The following RAP1GDS1 variants were observed in gnomAD, a reference collection of about 807,000 sequenced individuals.
The protein encoded by RAP1GDS1 is RAP1, GTP-GDP dissociation stimulator 1.
In RAP1GDS1, 35 loss-of-function variants were observed where a neutral mutation model predicts 71.1. That is an observed-to-expected ratio of 0.49 (90% CI 0.38 to 0.65). The LOEUF (loss-of-function observed/expected upper bound fraction) is 0.65, where lower values mean the gene tolerates loss of function less well. Ranked by LOEUF, RAP1GDS1 falls within the 30% of genes least tolerant of loss-of-function variation. RAP1GDS1 has a pLI of 0.00. For synonymous variants in RAP1GDS1, 229 were observed against 243.1 expected, an observed-to-expected ratio of 0.94 and a Z score of 0.54; for missense variants, 663 against 706.1, an observed-to-expected ratio of 0.94 and a Z score of 0.69.
chr4:98,263,807 T>TG (rs1193692798), intron 1 of RAP1GDS1, among the ~76,000 whole-genome samples: 1 of 152,148 alleles, frequency 6.6e-6, no homozygotes. Flanking sequence ...ATTATCTAGT[T>TG]GGGGGATAAG....
At chr4:98,283,362 A>G (rs1421647771) in intron 1 of RAP1GDS1, among the ~76,000 whole-genome samples, 1 of 152,168 alleles carries the variant, frequency 6.6e-6, no homozygotes, top group Non-Finnish European at 1.5e-5. Context: ...AAGCTCTAAT[A>G]AAAACTGTCC....
At chr4:98,435,041 G>C (rs1305150026) in intron 13 of RAP1GDS1, among the ~76,000 whole-genome samples, 2 of 152,194 alleles carry the variant, frequency 1.3e-5, no homozygotes, top group African/African-American at 4.8e-5. Context: ...AGCCAGGGAT[G>C]GTGTAATAGA....
chr4:98,432,333 G>A (rs1423314951), intron 12 of RAP1GDS1, among the ~76,000 whole-genome samples: 1 of 152,146 alleles, frequency 6.6e-6, no homozygotes, highest in African/African-American at 2.4e-5. Flanking sequence ...CTAAATGATT[G>A]CATATGTATC....
intron 1 of RAP1GDS1, among the ~76,000 whole-genome samples, chr4:98,287,969 T>C (rs536962284): frequency 6.6e-6 from 1 of 152,292 alleles, no homozygotes; most frequent in Admixed American, 6.5e-5. Flanking sequence ...CAAGTAATAA[T>C]TATGAAGGTA....
intron 1 of RAP1GDS1, among the ~76,000 whole-genome samples, chr4:98,286,621 A>G (rs1726062675): frequency 2.0e-5 from 3 of 152,128 alleles, no homozygotes; most frequent in Admixed American, 1.3e-4. Flanking sequence ...GCGGTGGCTA[A>G]CGCCTATAAT....
Position 98,292,569 on chromosome 4 carries a change from GA to G in RAP1GDS1, c.5-827del, listed in dbSNP as rs537889890. The stretch of plus-strand genomic sequence containing the variant: ...AGCCAGAACTTAAAGTATAATAAAA[GA>G]AAAAAAAAAAACAATGCTATTCTTC... On this transcript the variant is annotated intron_variant, in intron 1 of 14. Transcript: ENST00000408927. 1.9e-3 allele frequency among the ~76,000 whole-genome samples: 246 copies of G among 131,576 alleles called. 1 individual carries two copies. Among genetic ancestry groups the G allele is most frequent in the Admixed American group, 6.3e-3 (83 of 13,130 alleles). The allele number at this position is 131,576 out of a possible 152,430, so 86.3% of individuals were successfully genotyped here. A position where few individuals can be genotyped will look rare whatever the true frequency, so the allele number is the denominator to read the frequency against.
intron 5 of RAP1GDS1, among the ~76,000 whole-genome samples, chr4:98,391,473 A>AT (rs1316915592): frequency 6.6e-6 from 1 of 152,088 alleles, no homozygotes; most frequent in African/African-American, 2.4e-5. Context: ...TTTATTAAAT[A>AT]TTTTTAATTT....
At chr4:98,290,864 A>T (rs7686907) in intron 1 of RAP1GDS1, among the ~76,000 whole-genome samples, 302 of 152,208 alleles carry the variant, frequency 2.0e-3, no homozygotes, top group African/African-American at 7.1e-3. Context: ...GAAAGAGCAT[A>T]CCATCCTAAT....
At chr4:98,429,507 G>C (rs1435692593) in intron 12 of RAP1GDS1, among the ~76,000 whole-genome samples, 1 of 152,130 alleles carries the variant, frequency 6.6e-6, no homozygotes, top group East Asian at 1.9e-4. Context: ...TAAAGGGTGG[G>C]AAGGGGGTGA....
At chr4:98,296,811 A>G (rs1727822696) in intron 2 of RAP1GDS1, 2 of 265,190 alleles carry the variant, frequency 7.5e-6, no homozygotes, top group East Asian at 1.4e-4. Flanking sequence ...TGTGGCATCT[A>G]AATCACCTTG....
chr4:98,416,680 A>T, intron 7 of RAP1GDS1, 65 bp from the exon 8 acceptor site: 2 of 1,430,624 alleles, frequency 1.4e-6, no homozygotes, highest in South Asian at 2.6e-5. Flanking sequence ...TTTATAATGG[A>T]CTGCTTATAC....
At chr4:98,328,963 A>T (rs755919485) in intron 2 of RAP1GDS1, among the ~76,000 whole-genome samples, 1 of 152,104 alleles carries the variant, frequency 6.6e-6, no homozygotes, top group Non-Finnish European at 1.5e-5. Flanking sequence ...TTTTACCTAC[A>T]CTCTTAAGGT....
intron 4 of RAP1GDS1, among the ~76,000 whole-genome samples, chr4:98,355,729 G>A (rs1045802351): frequency 6.6e-6 from 1 of 152,132 alleles, no homozygotes; most frequent in Admixed American, 6.5e-5. Context: ...AGAAAAACTA[G>A]GTCAGATTTC....
At chr4:98,431,552 T>A (rs1750411877) in intron 12 of RAP1GDS1, among the ~76,000 whole-genome samples, 1 of 152,176 alleles carries the variant, frequency 6.6e-6, no homozygotes, top group African/African-American at 2.4e-5. Context: ...ATAAAGCATC[T>A]CCAGAATTTT....
chr4:98,393,426 A>C (rs1218367170), intron 6 of RAP1GDS1, among the ~76,000 whole-genome samples: 1 of 152,146 alleles, frequency 6.6e-6, no homozygotes, highest in African/African-American at 2.4e-5. Context: ...GAGACCAAGA[A>C]TAAAAGTACA....
At chr4:98,425,455 A>C (rs1447449532) in intron 12 of RAP1GDS1, among the ~76,000 whole-genome samples, 4 of 152,226 alleles carry the variant, frequency 2.6e-5, no homozygotes, top group African/African-American at 9.6e-5. Context: ...CAGAATAGAT[A>C]AGAATTCATT....
chr4:98,396,111 C>G (rs546431702), intron 6 of RAP1GDS1: 1 of 152,084 alleles, frequency 6.6e-6, no homozygotes, highest in South Asian at 2.1e-4. Flanking sequence ...TATGAACTAA[C>G]TCACTTATCA....
intron 6 of RAP1GDS1, among the ~76,000 whole-genome samples, chr4:98,394,278 G>GTTGT (rs933638909): frequency 2.2e-4 from 34 of 152,222 alleles, no homozygotes; most frequent in African/African-American, 7.7e-4. Flanking sequence ...TGAGAGGAGA[G>GTTGT]TTGTTTGTTA....
At chr4:98,430,001 C>G (rs1461702457) in intron 12 of RAP1GDS1, among the ~76,000 whole-genome samples, 2 of 152,070 alleles carry the variant, frequency 1.3e-5, no homozygotes, top group African/African-American at 4.8e-5. Flanking sequence ...GGAGCCAGAA[C>G]TACTTAAATG....
Sources: gnomAD v4.1 joint callset for allele counts (sites outside exome capture counted in the v4.1 genomes callset) on GRCh38, gnomAD v4.1.1 for gene constraint, MANE v1.5 for transcripts, NCBI Gene and HGNC (gene_info 2026-07-23, HGNC 2026-07-21) for gene names.